Variants in ERC2 observed in about 807,000 individuals in gnomAD.
ERC2 encodes the protein ELKS/RAB6-interacting/CAST family member 2.
ERC2 carries 42 observed loss-of-function variants against 114.8 expected under a neutral mutation model. The ratio of observed to expected loss-of-function variants is 0.37; its 90% CI spans 0.29 to 0.47. The LOEUF is 0.47. Ranked by LOEUF, ERC2 falls within the 20% of genes least tolerant of loss-of-function variation. ERC2 has a pLI of 0.99. For synonymous variants in ERC2, 454 were observed against 425.5 expected, an observed-to-expected ratio of 1.07 and a Z score of -0.82; for missense variants, 939 against 1,150.7, an observed-to-expected ratio of 0.82 and a Z score of 2.66.
intron 10 of ERC2, among the ~76,000 whole-genome samples, chr3:56,005,385 C>T (rs1280939965): frequency 6.6e-6 from 1 of 152,000 alleles, no homozygotes; most frequent in African/African-American, 2.4e-5. Flanking sequence ...AAGGAAACCA[C>T]ACACTCTGAG....
At chr3:55,587,125 C>T (rs2057645084) in intron 17 of ERC2, among the ~76,000 whole-genome samples, 1 of 151,304 alleles carries the variant, frequency 6.6e-6, no homozygotes, top group Non-Finnish European at 1.5e-5. Context: ...ATATAACTTG[C>T]CCCTTCCCCT....
intron 7 of ERC2, among the ~76,000 whole-genome samples, chr3:56,029,044 G>A (rs1372795074): frequency 6.6e-6 from 1 of 151,976 alleles, no homozygotes; most frequent in Non-Finnish European, 1.5e-5. Flanking sequence ...TGCTTTCTCT[G>A]TGTTAATTAA....
intron 17 of ERC2, among the ~76,000 whole-genome samples, chr3:55,583,890 C>CCT (rs2057452918): frequency 6.6e-6 from 1 of 150,986 alleles, no homozygotes; most frequent in Non-Finnish European, 1.5e-5. Context: ...ACTTGCTAGC[C>CCT]CCCCTCCCAA....
chr3:55,658,151 T>C (rs576324164), intron 17 of ERC2: 2 of 152,344 alleles, frequency 1.3e-5, no homozygotes, highest in East Asian at 3.9e-4. Context: ...GAATTCGGGA[T>C]CTTAAATGAT....
At chr3:56,278,056 G>GT (rs1233444558) in intron 3 of ERC2, among the ~76,000 whole-genome samples, 1 of 152,154 alleles carries the variant, frequency 6.6e-6, no homozygotes, top group Non-Finnish European at 1.5e-5. Context: ...GCTTTACCAG[G>GT]GTTGTTGTGA....
At chr3:55,605,340 C>A (rs911603020) in intron 17 of ERC2, among the ~76,000 whole-genome samples, 1 of 152,148 alleles carries the variant, frequency 6.6e-6, no homozygotes, top group Non-Finnish European at 1.5e-5. Context: ...AAGTGATCCT[C>A]CCACCTCAGC....
At chr3:55,706,058 G>C (rs1055668295) in intron 15 of ERC2, among the ~76,000 whole-genome samples, 1 of 152,008 alleles carries the variant, frequency 6.6e-6, no homozygotes, top group African/African-American at 2.4e-5. Context: ...CCAGGGAATG[G>C]GGCAGATGGG....
At chr3:55,891,000 C>T (rs556611253) in intron 13 of ERC2, among the ~76,000 whole-genome samples, 4 of 152,288 alleles carry the variant, frequency 2.6e-5, no homozygotes, top group East Asian at 3.9e-4. Context: ...TTCTAGAGAA[C>T]TGAAAACTGT....
chr3:56,299,015 T>C (rs552422433), intron 2 of ERC2, among the ~76,000 whole-genome samples: 1 of 152,148 alleles, frequency 6.6e-6, no homozygotes, highest in African/African-American at 2.4e-5. Context: ...GCCAAGACTC[T>C]TGAAAGAGTG....
At chr3:55,876,504 T>C (rs999444571) in intron 14 of ERC2, among the ~76,000 whole-genome samples, 13 of 152,182 alleles carry the variant, frequency 8.5e-5, no homozygotes, top group East Asian at 1.9e-4. Context: ...TAGAAAAAGA[T>C]CTGGCTACCC....
At chr3:55,801,847 C>A (rs895860405) in intron 14 of ERC2, among the ~76,000 whole-genome samples, 7 of 152,210 alleles carry the variant, frequency 4.6e-5, no homozygotes, top group African/African-American at 9.6e-5. Context: ...ACACAAGTAG[C>A]CCACCCATGA....
At chr3:56,023,742 A>T (rs2073867629) in intron 7 of ERC2, among the ~76,000 whole-genome samples, 1 of 118,282 alleles carries the variant, frequency 8.5e-6, no homozygotes, top group Non-Finnish European at 1.9e-5. Flanking sequence ...AACACCCCAC[A>T]TATTAGCTTA....
intron 2 of ERC2, among the ~76,000 whole-genome samples, chr3:56,373,228 ATGTAAATCACAATG>A (rs1385882373): frequency 1.5e-4 from 23 of 152,346 alleles, no homozygotes; most frequent in Middle Eastern, 3.4e-3. Context: ...TAACTAATAT[ATGTAAATCACAATG>A]ATCCTATAAA....
chr3:55,719,398 T>G (rs1464488050), intron 15 of ERC2, among the ~76,000 whole-genome samples: 3 of 152,176 alleles, frequency 2.0e-5, no homozygotes, highest in Non-Finnish European at 4.4e-5. Context: ...CTAAGAACAT[T>G]GTTCTAGAAG....
intron 10 of ERC2, among the ~76,000 whole-genome samples, chr3:56,000,378 TTTA>T (rs2071939339): frequency 6.6e-6 from 1 of 151,958 alleles, no homozygotes; most frequent in South Asian, 2.1e-4. Flanking sequence ...CATAAAAAAA[TTTA>T]GGCTAAATAA....
intron 3 of ERC2, among the ~76,000 whole-genome samples, chr3:56,250,908 C>T (rs1217092774): frequency 6.6e-6 from 1 of 152,070 alleles, no homozygotes; most frequent in East Asian, 1.9e-4. Context: ...CTGATGAACC[C>T]GCAAACCAGC....
At chr3:55,764,207 G>A (rs1314866400) in intron 14 of ERC2, among the ~76,000 whole-genome samples, 1 of 152,208 alleles carries the variant, frequency 6.6e-6, no homozygotes. Flanking sequence ...TCTGAAGATG[G>A]ACAATTTTAA....
intron 16 of ERC2, among the ~76,000 whole-genome samples, chr3:55,685,166 A>G (rs1361252113): frequency 6.6e-6 from 1 of 152,166 alleles, no homozygotes; most frequent in East Asian, 1.9e-4. Flanking sequence ...TTATGCATTG[A>G]AAAAAGTATT....
chr3:56,054,560 C>A (rs905118880), intron 7 of ERC2, among the ~76,000 whole-genome samples: 1 of 152,182 alleles, frequency 6.6e-6, no homozygotes, highest in Non-Finnish European at 1.5e-5. Context: ...CTTGTCCCCC[C>A]TGCTGGATAC....
Sources: allele counts gnomAD v4.1 joint callset (sites outside exome capture counted in the v4.1 genomes callset), GRCh38; gene constraint gnomAD v4.1.1; transcripts MANE v1.5; gene names NCBI Gene and HGNC (gene_info 2026-07-23, HGNC 2026-07-21).